The following CCDC149 variants were observed in gnomAD, a reference collection of about 807,000 sequenced individuals.
CCDC149 encodes coiled-coil domain-containing protein 149.
Under a neutral mutation model 59.9 loss-of-function variants are expected in CCDC149, and 45 were observed. The ratio of observed to expected loss-of-function variants is 0.75; its 90% CI spans 0.59 to 0.96. CCDC149 has a LOEUF of 0.96. Ranked by LOEUF, CCDC149 falls within the 40% of genes least tolerant of loss-of-function variation. The pLI, the probability that CCDC149 is intolerant of heterozygous loss-of-function variation, is 0.00. For missense variants in CCDC149, 584 were observed against 664.7 expected, an observed-to-expected ratio of 0.88 and a Z score of 1.33; for synonymous variants, 245 against 260.6, an observed-to-expected ratio of 0.94 and a Z score of 0.58.
At position 24,807,104 on chromosome 4, in the gene CCDC149, C is replaced by G. The variant is rs896444720; in HGVS notation, c.*1285G>C. The G allele has an allele frequency of 5.3e-5, 8 of 152,190 alleles. No individual in the cohort carries two copies. The highest frequency in any genetic ancestry group is 1.9e-4 in the African/African-American group (8 of 41,436). 9.4% of individuals were successfully genotyped at this position (152,190 alleles called of 1,614,324 possible). A position where few individuals can be genotyped will look rare whatever the true frequency, so the allele number is the denominator to read the frequency against. On this transcript the variant is annotated 3_prime_UTR_variant, in exon 13 of 13. Transcript: ENST00000635206. ...TCTCTTTTTCCTGCAAGGAGCGCCT[C>G]TCAAAGGAGTGATTCTGGTTCTCAG...
At chr4:24,894,109 G>A (rs1720704127) in intron 1 of CCDC149, among the ~76,000 whole-genome samples, 1 of 152,068 alleles carries the variant, frequency 6.6e-6, no homozygotes, top group Non-Finnish European at 1.5e-5. Flanking sequence ...TTATCTTTTA[G>A]CTGTACTGAA....
At chr4:24,848,895 A>G (rs1717484628) in intron 4 of CCDC149, among the ~76,000 whole-genome samples, 4 of 152,190 alleles carry the variant, frequency 2.6e-5, no homozygotes, top group Non-Finnish European at 5.9e-5. Flanking sequence ...TCGTAGGTAG[A>G]AGACATGAAG....
chr4:24,835,142 A>G, intron 7 of CCDC149, 110 bp from the exon 8 acceptor site: 1 of 646,686 alleles, frequency 1.5e-6, no homozygotes, highest in Non-Finnish European at 2.7e-6. Flanking sequence ...GCAAACTCCA[A>G]GTGCTAGCCT....
chr4:24,962,676 T>C (rs1723669629), intron 1 of CCDC149, among the ~76,000 whole-genome samples: 1 of 151,260 alleles, frequency 6.6e-6, no homozygotes, highest in Non-Finnish European at 1.5e-5. Context: ...AGGTGGGAAT[T>C]GAATAATGAG....
chr4:24,894,979 G>T (rs566015432), intron 1 of CCDC149: 13 of 1,535,994 alleles, frequency 8.5e-6, no homozygotes, highest in African/African-American at 1.4e-5. Context: ...ATGCAGGCAT[G>T]GTTTGTCAAT....
chr4:24,861,178 C>T (rs986608756), intron 3 of CCDC149, among the ~76,000 whole-genome samples: 1 of 152,050 alleles, frequency 6.6e-6, no homozygotes, highest in Non-Finnish European at 1.5e-5. Flanking sequence ...TTTGTAGCAG[C>T]ACAATTCACA....
chr4:24,820,162 G>T, intron 11 of CCDC149, 187 bp from the exon 12 acceptor site: 1 of 526,282 alleles, frequency 1.9e-6, no homozygotes, highest in Non-Finnish European at 3.4e-6. Context: ...CCTAACCCTT[G>T]CACACACACA....
In CCDC149 at chr4:24,822,493, T is replaced by C. The variant is rs1715472143; in HGVS notation, c.1042+4A>G. 3 of 1,499,702 alleles carry C rather than the reference T, an allele frequency of 2.0e-6. No individual in the cohort carries two copies. Among genetic ancestry groups the C allele is most frequent in the Non-Finnish European group, 2.7e-6 (3 of 1,126,992 alleles). The allele number at this position is 1,499,702 out of a possible 1,614,324, so 92.9% of individuals were successfully genotyped here. A position where few individuals can be genotyped will look rare whatever the true frequency, so the allele number is the denominator to read the frequency against. On this transcript the variant is annotated splice_donor_region_variant and intron_variant, in intron 10 of 12. Transcript: ENST00000635206. ...GAAAATTGTTTTCATGAGGTTCTGT[T>C]TACCTGGAAGACTCCACAAACCAGA...
chr4:24,958,948 A>T lies in CCDC149; in HGVS notation c.-65+21121T>A, dbSNP rs374435890. Among the ~76,000 whole-genome samples, 8 of 152,116 alleles carry T rather than the reference A, an allele frequency of 5.3e-5. No homozygotes were observed. In the East Asian group the frequency reaches 1.6e-3, roughly 30 times the overall value. On this transcript the variant is annotated intron_variant, in intron 1 of 12. Coordinates refer to the CCDC149 transcript ENST00000389609. ...GCTGAGGCGCTGAGGCACGAGAATC[A>T]CTTGAATCCGGCATGTGGAGGTTGC...
intron 1 of CCDC149, among the ~76,000 whole-genome samples, chr4:24,889,816 T>C (rs926173401): frequency 1.2e-4 from 18 of 152,218 alleles, no homozygotes; most frequent in African/African-American, 4.1e-4. Context: ...TGGTTCATTT[T>C]ATCTGTCTCA....
intron 1 of CCDC149, among the ~76,000 whole-genome samples, chr4:24,922,191 T>G (rs1722314235): frequency 6.6e-6 from 1 of 152,212 alleles, no homozygotes; most frequent in African/African-American, 2.4e-5. Context: ...ATGACCCTAT[T>G]TCAGCATATG....
At chr4:24,978,524 G>A (rs918089980) in intron 1 of CCDC149, among the ~76,000 whole-genome samples, 3 of 152,150 alleles carry the variant, frequency 2.0e-5, no homozygotes, top group African/African-American at 4.8e-5. Flanking sequence ...CGTTGTTGGC[G>A]TGGGAGGTCA....
chr4:24,852,387 G>C (rs1717721318), intron 4 of CCDC149, among the ~76,000 whole-genome samples: 3 of 151,198 alleles, frequency 2.0e-5, no homozygotes, highest in African/African-American at 7.3e-5. Context: ...GCCACCTCTG[G>C]CAAGGAGTTG....
rs1318662118 is a variant in CCDC149 at position 24,853,115 on chromosome 4, T to C, written c.329A>G (p.Lys110Arg). The change falls in exon 4 of 13, where the codon AAA becomes AGA. Residue 110 changes from lysine (K) to arginine (R), a missense_variant. By Grantham distance (26) the Lys-to-Arg change is conservative. Transcript: ENST00000635206. ...TTCTCCAAGCCTTTGCTGAAGTTCT[T>C]TAATTTCTTCTCCCAGATGTTTATT... 5.6e-6 allele frequency: 9 copies of C among 1,613,930 alleles called. No homozygotes were observed. In the Admixed American group the frequency reaches 1.5e-4, roughly 27 times the overall value.
chr4:24,959,815 A>G (rs1270401305), intron 1 of CCDC149, among the ~76,000 whole-genome samples: 3 of 152,216 alleles, frequency 2.0e-5, no homozygotes, highest in Non-Finnish European at 2.9e-5. Context: ...CAAAAATACC[A>G]TTTAAAAACA....
intron 1 of CCDC149, among the ~76,000 whole-genome samples, chr4:24,977,640 G>T (rs994991325): frequency 6.6e-6 from 1 of 152,178 alleles, no homozygotes; most frequent in African/African-American, 2.4e-5. Flanking sequence ...CCCAGCACTG[G>T]AGTCCAGCTC....
intron 3 of CCDC149, among the ~76,000 whole-genome samples, chr4:24,863,159 G>A (rs73250604): frequency 0.078 from 11,882 of 152,068 alleles, 476 homozygotes; most frequent in Middle Eastern, 0.096. Context: ...CGGGCGTGGC[G>A]GTATGCACCC....
chr4:24,917,316 G>A (rs1038811954), upstream of CCDC149, among the ~76,000 whole-genome samples: 4 of 152,244 alleles, frequency 2.6e-5, no homozygotes, highest in Admixed American at 6.5e-5. Flanking sequence ...GCAGCAGGGG[G>A]TGGAAGGAAG....
chr4:24,916,372 C>G (rs771104918), upstream of CCDC149, among the ~76,000 whole-genome samples: 1 of 152,136 alleles, frequency 6.6e-6, no homozygotes, highest in African/African-American at 2.4e-5. Context: ...CCAGCACAGA[C>G]TGATGAAAAC....
Sources: gnomAD v4.1 joint callset for allele counts (sites outside exome capture counted in the v4.1 genomes callset) on GRCh38, gnomAD v4.1.1 for gene constraint, MANE v1.5 for transcripts, NCBI Gene and HGNC (gene_info 2026-07-23, HGNC 2026-07-21) for gene names.